MCHR2: variants seen among roughly 807,000 people sequenced by gnomAD.
MCHR2 encodes melanin concentrating hormone receptor 2.
Under a neutral mutation model 24.8 loss-of-function variants are expected in MCHR2, and 15 were observed. That is an observed-to-expected ratio of 0.60 (90% confidence interval 0.40 to 0.93). The LOEUF (loss-of-function observed/expected upper bound fraction) is 0.93. MCHR2 is among the 40% of genes least tolerant of loss of function. The pLI is 0.00. For synonymous variants in MCHR2, 151 were observed against 147.6 expected, an observed-to-expected ratio of 1.02 and a Z score of -0.17; for missense variants, 386 against 408.7, an observed-to-expected ratio of 0.94 and a Z score of 0.48.
intron 5 of MCHR2, among the ~76,000 whole-genome samples, chr6:99,923,015 A>G (rs1774271095): frequency 6.6e-6 from 1 of 152,154 alleles, no homozygotes; most frequent in African/African-American, 2.4e-5. Flanking sequence ...GATTTTTCCA[A>G]ACAATGAATG....
At chr6:99,931,955 G>A (rs1774554410) in intron 5 of MCHR2, among the ~76,000 whole-genome samples, 1 of 152,096 alleles carries the variant, frequency 6.6e-6, no homozygotes, top group South Asian at 2.1e-4. Context: ...CTGTAGACCG[G>A]AGCTGTTCCT....
At chr6:99,973,332 T>C (rs1182269855) in intron 1 of MCHR2, among the ~76,000 whole-genome samples, 1 of 151,976 alleles carries the variant, frequency 6.6e-6, no homozygotes, top group African/African-American at 2.4e-5. Flanking sequence ...CTTCTTTGTC[T>C]CTTTTGATCT....
At chr6:99,947,218 C>T (rs1774887730) in intron 3 of MCHR2, among the ~76,000 whole-genome samples, 1 of 152,130 alleles carries the variant, frequency 6.6e-6, no homozygotes, top group African/African-American at 2.4e-5. Context: ...AAAAGATGAT[C>T]TCCCTGGCAC....
intron 1 of MCHR2, among the ~76,000 whole-genome samples, chr6:99,982,467 G>GCAAAA (rs1775688155): frequency 2.1e-5 from 1 of 46,638 alleles, no homozygotes. Flanking sequence ...TGTCTGTACA[G>GCAAAA]AAAAAAAAAA....
At chr6:99,970,583 ATTTTGGCTT>A (rs1775389119) in intron 1 of MCHR2, among the ~76,000 whole-genome samples, 1 of 152,052 alleles carries the variant, frequency 6.6e-6, no homozygotes, top group African/African-American at 2.4e-5. Context: ...CCATTTGTCA[ATTTTGGCTT>A]TTGTTGCCTT....
chr6:99,954,614 T>C (rs1440249260), intron 2 of MCHR2, among the ~76,000 whole-genome samples: 1 of 152,162 alleles, frequency 6.6e-6, no homozygotes, highest in African/African-American at 2.4e-5. Flanking sequence ...GGCTGCTTAG[T>C]TCCCCTGAAC....
At position 99,984,613 on chromosome 6, in the gene MCHR2, C is replaced by T. The variant is rs181265027; in HGVS notation, c.-28+9323G>A. Among the ~76,000 whole-genome samples the T allele has an allele frequency of 7.9e-5, 12 of 152,016 alleles. No individual in the cohort carries two copies. The East Asian group carries it at 1.4e-3, about 17-fold the overall frequency. ...ATCAATAGATGCAGAAAAAGCATTC[C>T]GTAAAATCTAGCATCCCTTCATGAT... On this transcript the variant is annotated intron_variant, in intron 1 of 5. Transcript: ENST00000281806.
At chr6:99,975,289 C>G (rs1039120291) in intron 1 of MCHR2, among the ~76,000 whole-genome samples, 9 of 152,212 alleles carry the variant, frequency 5.9e-5, no homozygotes, top group African/African-American at 2.2e-4. Context: ...GCCCTTCCCC[C>G]AGTCTCGCTG....
At chr6:99,921,532 A>T (rs1774232565) in intron 5 of MCHR2, among the ~76,000 whole-genome samples, 1 of 152,150 alleles carries the variant, frequency 6.6e-6, no homozygotes, top group Non-Finnish European at 1.5e-5. Context: ...GGGGTAAATG[A>T]GATGTTTTGA....
At chr6:99,955,880 A>G in intron 2 of MCHR2, 86 bp downstream of exon 2, 1 of 1,105,886 alleles carries the variant, frequency 9.0e-7, no homozygotes, top group South Asian at 2.4e-5. Flanking sequence ...GCAAAATGCT[A>G]CAGGGGAAAG....
At chr6:99,974,525 G>A (rs1232536891) in intron 1 of MCHR2, among the ~76,000 whole-genome samples, 1 of 152,216 alleles carries the variant, frequency 6.6e-6, no homozygotes, top group African/African-American at 2.4e-5. Context: ...GTAGCTTGGA[G>A]TAGTTTGATT....
At chr6:99,933,891 C>G (rs1298004352) in intron 5 of MCHR2, among the ~76,000 whole-genome samples, 1 of 151,920 alleles carries the variant, frequency 6.6e-6, no homozygotes, top group Admixed American at 6.6e-5. Flanking sequence ...TTCAAAGGTC[C>G]TTCTCAAGTT....
At chr6:99,980,950 T>G (rs1218128241) in intron 1 of MCHR2, among the ~76,000 whole-genome samples, 1 of 152,194 alleles carries the variant, frequency 6.6e-6, no homozygotes, top group Non-Finnish European at 1.5e-5. Flanking sequence ...TGATAAAAAG[T>G]TATTACATAT....
chr6:99,984,516 T>C (rs1052070034), intron 1 of MCHR2, among the ~76,000 whole-genome samples: 1 of 152,036 alleles, frequency 6.6e-6, no homozygotes, highest in Non-Finnish European at 1.5e-5. Context: ...TTTATTTCTT[T>C]AGATAACATC....
chr6:99,951,123 G>A (rs1774956798), intron 2 of MCHR2, among the ~76,000 whole-genome samples: 1 of 152,134 alleles, frequency 6.6e-6, no homozygotes, highest in Non-Finnish European at 1.5e-5. Context: ...CTCCAGCTTG[G>A]GGCAGGGAGA....
rs34397476 is a variant in MCHR2, at chr6:99,941,844, A to AT, written c.587+1104dup. The stretch of plus-strand genomic sequence containing the variant: ...CTGAACAAGACATGCAAGCATATGA[A>AT]TTTTTTTTTTTTAACTGGATTAGCG... On this transcript the variant is annotated intron_variant, in intron 4 of 5. Coordinates refer to ENST00000281806, the MANE Select transcript of MCHR2 (RefSeq NM_001040179.2). 3.5e-4 allele frequency among the ~76,000 whole-genome samples: 52 copies of AT among 150,028 alleles called. No homozygotes were observed. In the East Asian group the frequency reaches 5.3e-3, roughly 15 times the overall value.
chr6:99,964,787 T>C (rs978797122), intron 1 of MCHR2, among the ~76,000 whole-genome samples: 3 of 152,088 alleles, frequency 2.0e-5, no homozygotes, highest in African/African-American at 7.2e-5. Flanking sequence ...GATTGTGATA[T>C]ATTCACACAA....
At chr6:99,932,992 T>G (rs972036191) in intron 5 of MCHR2, among the ~76,000 whole-genome samples, 2 of 152,150 alleles carry the variant, frequency 1.3e-5, no homozygotes, top group Non-Finnish European at 2.9e-5. Context: ...CTGTACTGTC[T>G]CTGTACTATC....
At position 99,920,940 on chromosome 6, in the gene MCHR2, C is replaced by T; in HGVS notation, c.1023G>A (p.Ter341=). Residue 341 remains the stop codon, a stop_retained_variant, in exon 6 of 6, where the codon TAG becomes TAA. Coordinates refer to ENST00000281806, the MANE Select transcript of MCHR2 (RefSeq NM_001040179.2). ...NMGNTLKSHF[*] ...GACTCATGGTGATCCATGTACTTTC[C>T]TAAAAGTGTGATTTCAGAGTGTTTC... The T allele has an allele frequency of 1.9e-6, 3 of 1,613,518 alleles. No homozygotes were observed. The highest frequency in any genetic ancestry group is 1.7e-6 in the Non-Finnish European group (2 of 1,179,702).
Sources: allele counts gnomAD v4.1 joint callset (sites outside exome capture counted in the v4.1 genomes callset), GRCh38; gene constraint gnomAD v4.1.1; transcripts MANE v1.5; gene names NCBI Gene and HGNC (gene_info 2026-07-23, HGNC 2026-07-21).